PRUNE2: variants seen among roughly 807,000 people sequenced by gnomAD.
PRUNE2 encodes the protein protein prune homolog 2.
In PRUNE2, 164 loss-of-function variants were observed where a neutral mutation model predicts 252.0. The observed-to-expected ratio is 0.65, with a 90% CI of 0.57 to 0.74. The LOEUF (loss-of-function observed/expected upper bound fraction) is 0.74. Ranked by LOEUF, PRUNE2 falls within the 30% of genes least tolerant of loss-of-function variation. The pLI is 0.00. For missense variants in PRUNE2, 3,495 were observed against 3,711.0 expected (o/e 0.94, Z 1.51); for synonymous variants, 1,292 against 1,350.2 (o/e 0.96, Z 0.94).
At chr9:76,776,889 C>CACAG (rs1454212828) in intron 6 of PRUNE2, among the ~76,000 whole-genome samples, 2 of 88,182 alleles carry the variant, frequency 2.3e-5, no homozygotes, top group Non-Finnish European at 3.9e-5. Context: ...ATTACCAAAA[C>CACAG]ACATACACAC....
intron 11 of PRUNE2, among the ~76,000 whole-genome samples, chr9:76,649,357 AT>A: frequency 4.3e-5 from 1 of 23,330 alleles, no homozygotes; most frequent in South Asian, 2.0e-3. Flanking sequence ...ATTTGTTCCT[AT>A]CATCTATTAA....
chr9:76,844,269 C>A (rs1012210636), intron 4 of PRUNE2, among the ~76,000 whole-genome samples: 9 of 152,042 alleles, frequency 5.9e-5, no homozygotes, highest in African/African-American at 1.9e-4. Flanking sequence ...TCAGGGGGGC[C>A]AATCCCTCAT....
chr9:76,723,150 A>G (rs867805105), intron 6 of PRUNE2, among the ~76,000 whole-genome samples: 18 of 152,354 alleles, frequency 1.2e-4, no homozygotes, highest in Middle Eastern at 6.8e-3. Context: ...GTAAGATCCT[A>G]AAATTGAAAA....
At chr9:76,867,461 A>G (rs745516258) in intron 1 of PRUNE2, among the ~76,000 whole-genome samples, 1 of 152,226 alleles carries the variant, frequency 6.6e-6, no homozygotes, top group Non-Finnish European at 1.5e-5. Flanking sequence ...TACATCAGCA[A>G]TACTTCCAAG....
In PRUNE2 at chr9:76,710,801, G is replaced by C. The variant is rs200025695; in HGVS notation, c.1473C>G (p.Phe491Leu). Residue 491 changes from phenylalanine (F) to leucine (L), a missense_variant, in exon 8 of 19, where the codon TTC (phenylalanine) becomes TTG (leucine). Coordinates refer to ENST00000376718, the MANE Select transcript of PRUNE2 (RefSeq NM_015225.3). ...HAWSGEHGEH[F>L]DLFNFDPAPM... ...GTGCTGGGTCAAAATTGAAGAGGTC[G>C]AAGTGCTCACCGTGTTCTCCAGACC... 6.1e-5 allele frequency: 97 copies of C among 1,580,758 alleles called. 2 individuals carry two copies. The South Asian group carries it at 1.1e-3, about 19-fold the overall frequency.
intron 6 of PRUNE2, among the ~76,000 whole-genome samples, chr9:76,733,026 A>T (rs1318165499): frequency 2.0e-5 from 3 of 152,186 alleles, no homozygotes; most frequent in Non-Finnish European, 4.4e-5. Flanking sequence ...AGATTTTTTT[A>T]AATTTCTGAA....
At chr9:76,872,508 G>A (rs1408899980) in intron 1 of PRUNE2, among the ~76,000 whole-genome samples, 1 of 151,892 alleles carries the variant, frequency 6.6e-6, no homozygotes, top group East Asian at 1.9e-4. Context: ...AAAGATAAGA[G>A]TTTCCCAGGC....
intron 11 of PRUNE2, among the ~76,000 whole-genome samples, chr9:76,648,777 G>T (rs190571652): frequency 1.9e-4 from 29 of 152,318 alleles, no homozygotes; most frequent in Admixed American, 3.3e-4. Context: ...TGCACAACTT[G>T]GAATCGTGAT....
At position 76,708,643 on chromosome 9, in the gene PRUNE2, T is replaced by A. The variant is rs578254639; in HGVS notation, c.3631A>T (p.Ser1211Cys). The change falls in exon 8 of 19, where the codon AGT becomes TGT. Residue 1211 changes from serine (S) to cysteine (C), a missense_variant. Ser to Cys is a moderately radical substitution (Grantham distance 112, BLOSUM62 -1). Transcript: ENST00000376718. ...ATACTGTTTGCAATTAGCTGCCCAC[T>A]TTTCTCATTCAATGTGTGATGTTCA... The part of the protein sequence containing the change: ...PSEHHTLNEK[S>C]GQLIANSIWD... 10 of 1,613,994 alleles carry A rather than the reference T, an allele frequency of 6.2e-6. 1 individual carries two copies. In the South Asian group the frequency reaches 9.9e-5, roughly 16 times the overall value.
At chr9:76,879,899 A>ATG (rs1183333029) in intron 1 of PRUNE2, among the ~76,000 whole-genome samples, 1 of 76,046 alleles carries the variant, frequency 1.3e-5, no homozygotes, top group Non-Finnish European at 2.2e-5. Flanking sequence ...ATATATATAT[A>ATG]TATATTTTTT....
At chr9:76,689,434 C>T (rs2044471505) in intron 9 of PRUNE2, among the ~76,000 whole-genome samples, 1 of 152,252 alleles carries the variant, frequency 6.6e-6, no homozygotes, top group African/African-American at 2.4e-5. Context: ...TAGCTCACTG[C>T]AGCCTCAACC....
At chr9:76,884,600 G>T (rs1401911432) in intron 1 of PRUNE2, among the ~76,000 whole-genome samples, 1 of 152,128 alleles carries the variant, frequency 6.6e-6, no homozygotes, top group Non-Finnish European at 1.5e-5. Flanking sequence ...ACTGATTCTT[G>T]TTCCCCAACT....
intron 6 of PRUNE2, chr9:76,817,654 CACCTGACTGGGA>C (rs2057775314): frequency 6.6e-6 from 1 of 152,294 alleles, no homozygotes; most frequent in East Asian, 1.9e-4. Context: ...CACCCCTGGC[CACCTGACTGGGA>C]ACACCAAATA....
chr9:76,858,913 A>G lies in PRUNE2; in HGVS notation c.37-4705T>C, dbSNP rs184995986. ...GGCCCAGCATGTTCAGCAAATAATTATTGCCTAATGTATACATTTTCCAAA... is the reference window on the plus strand; with the variant it reads ...GGCCCAGCATGTTCAGCAAATAATTGTTGCCTAATGTATACATTTTCCAAA... On this transcript the variant is annotated intron_variant, in intron 1 of 18. Transcript: ENST00000376718. Among the ~76,000 whole-genome samples the G allele has an allele frequency of 3.3e-5, 5 of 152,256 alleles. No homozygotes were observed. The East Asian group carries it at 9.7e-4, about 29-fold the overall frequency.
chr9:76,794,632 A>AAG (rs1554773256), intron 6 of PRUNE2, among the ~76,000 whole-genome samples: 2,238 of 122,578 alleles, frequency 0.018, 93 homozygotes, highest in African/African-American at 0.085. Flanking sequence ...AAAAAAAAAG[A>AAG]AAAGAAAAGA....
At chr9:76,815,952 G>A (rs2057663418) in intron 6 of PRUNE2, among the ~76,000 whole-genome samples, 1 of 152,030 alleles carries the variant, frequency 6.6e-6, no homozygotes, top group Non-Finnish European at 1.5e-5. Flanking sequence ...CCTGAGTTCA[G>A]GAGTTTGAGA....
At chr9:76,872,509 T>C (rs2061266301) in intron 1 of PRUNE2, among the ~76,000 whole-genome samples, 1 of 150,544 alleles carries the variant, frequency 6.6e-6, no homozygotes, top group African/African-American at 2.5e-5. Context: ...AAGATAAGAG[T>C]TTCCCAGGCT....
chr9:76,906,033 G>T lies in PRUNE2; in HGVS notation c.-70C>A. Reference sequence around the variant, plus strand: ...TGGAAAATCTCGGCCCAAGGAAGACGAGCGGGGTCCCGGGAAAGTGGCCCG... The same window carrying T: ...TGGAAAATCTCGGCCCAAGGAAGACTAGCGGGGTCCCGGGAAAGTGGCCCG... On this transcript the variant is annotated 5_prime_UTR_variant, in exon 1 of 19. Transcript: ENST00000376718. 1.9e-6 allele frequency: 3 copies of T among 1,549,864 alleles called. No individual in the cohort carries two copies. The highest frequency in any genetic ancestry group is 2.2e-5 in the South Asian group (2 of 89,700).
chr9:76,871,864 A>G (rs1352192453), intron 1 of PRUNE2, among the ~76,000 whole-genome samples: 1 of 152,196 alleles, frequency 6.6e-6, no homozygotes. Context: ...CCTGGCCTCA[A>G]GCAATCTGCC....
Sources: allele counts gnomAD v4.1 joint callset (sites outside exome capture counted in the v4.1 genomes callset), GRCh38; gene constraint gnomAD v4.1.1; transcripts MANE v1.5; gene names NCBI Gene and HGNC (gene_info 2026-07-23, HGNC 2026-07-21).